NEBL: variants seen among roughly 807,000 people sequenced by gnomAD.
NEBL encodes nebulette, also known as LIM and SH3 protein 2.
In NEBL, 122 loss-of-function variants were observed where a neutral mutation model predicts 140.2. The ratio of observed to expected loss-of-function variants is 0.87; its 90% CI spans 0.75 to 1.01. The LOEUF (loss-of-function observed/expected upper bound fraction) is 1.01, where lower values mean the gene tolerates loss of function less well. NEBL is among the 50% of genes least tolerant of loss of function. The probability of loss-of-function intolerance (pLI) is 0.00; values close to 1 mark genes in which losing one functional copy is unlikely to be tolerated. For missense variants in NEBL, 1,365 were observed against 1,231.3 expected (o/e 1.11, Z -1.62); for synonymous variants, 436 against 398.9 (o/e 1.09, Z -1.11).
chr10:21,168,947 G>T (rs760902985), intron 2 of NEBL, among the ~76,000 whole-genome samples: 1 of 149,324 alleles, frequency 6.7e-6, no homozygotes, highest in Non-Finnish European at 1.5e-5. Context: ...TACTCGGGAG[G>T]CTGAGGCAGC....
intron 2 of NEBL, among the ~76,000 whole-genome samples, chr10:21,138,512 G>A (rs1170495494): frequency 2.0e-5 from 3 of 152,144 alleles, no homozygotes; most frequent in Non-Finnish European, 4.4e-5. Flanking sequence ...AGGGGTCAGG[G>A]TTCAATAAAA....
At chr10:21,057,712 G>C (rs1835092245) in intron 2 of NEBL, among the ~76,000 whole-genome samples, 1 of 94,360 alleles carries the variant, frequency 1.1e-5, no homozygotes, top group Non-Finnish European at 2.3e-5. Context: ...AGCACACCCA[G>C]CTTATTTTTG....
intron 2 of NEBL, among the ~76,000 whole-genome samples, chr10:21,106,030 GTTGT>G (rs1420907955): frequency 2.0e-5 from 3 of 151,796 alleles, no homozygotes; most frequent in African/African-American, 4.9e-5. Context: ...TTTTGATGGG[GTTGT>G]TTGTTTTTTT....
intron 20 of NEBL, among the ~76,000 whole-genome samples, chr10:20,817,994 G>C (rs547581466): frequency 6.6e-6 from 1 of 152,000 alleles, no homozygotes; most frequent in East Asian, 1.9e-4. Context: ...TAAAAGAAAC[G>C]CCAGAATGAA....
At chr10:21,236,148 A>C (rs1405933295) in intron 3 of NEBL, among the ~76,000 whole-genome samples, 5 of 152,110 alleles carry the variant, frequency 3.3e-5, no homozygotes, top group Admixed American at 2.6e-4. Context: ...CAGGTGTTTC[A>C]TATCAAATCA....
At chr10:21,113,541 A>C (rs1047103707) in intron 2 of NEBL, among the ~76,000 whole-genome samples, 2 of 152,046 alleles carry the variant, frequency 1.3e-5, no homozygotes, top group Non-Finnish European at 2.9e-5. Context: ...TTTCCATCTT[A>C]TTTCGTTTCT....
At chr10:21,036,548 A>T (rs1834023608) in intron 2 of NEBL, among the ~76,000 whole-genome samples, 1 of 152,150 alleles carries the variant, frequency 6.6e-6, no homozygotes, top group Non-Finnish European at 1.5e-5. Flanking sequence ...ATAGGAGCAG[A>T]TTGATAGAAA....
intron 1 of NEBL, among the ~76,000 whole-genome samples, chr10:21,285,418 T>C (rs117130585): frequency 0.013 from 2,004 of 152,322 alleles, 22 homozygotes; most frequent in South Asian, 0.028. Flanking sequence ...AACCATTCCT[T>C]TCTCGCCTAC....
chr10:21,072,559 G>A (rs753723652), intron 2 of NEBL, among the ~76,000 whole-genome samples: 4 of 152,210 alleles, frequency 2.6e-5, no homozygotes, highest in African/African-American at 2.4e-5. Flanking sequence ...CGGGGCTGTC[G>A]GCTGCCACAC....
upstream of NEBL, among the ~76,000 whole-genome samples, chr10:21,176,734 T>A (rs1391530958): frequency 6.6e-6 from 1 of 152,194 alleles, no homozygotes; most frequent in Non-Finnish European, 1.5e-5. Context: ...ATCTCTACTT[T>A]AATTTCAATC....
rs528714275 is a variant in NEBL, at chr10:21,016,074, G to A, written c.249+4043C>T. On this transcript the variant is annotated intron_variant, in intron 3 of 6. Transcript: ENST00000417816. ...TTGTTGAATGGGCTGCTGCGGGCCCGTGGGGGCGTCTAACCACTCTTCATG... is the reference window on the plus strand; with the variant it reads ...TTGTTGAATGGGCTGCTGCGGGCCCATGGGGGCGTCTAACCACTCTTCATG... Among the ~76,000 whole-genome samples, 549 of 152,364 alleles carry A rather than the reference G, an allele frequency of 3.6e-3. 2 individuals carry two copies. The highest frequency in any genetic ancestry group is 0.012 in the African/African-American group (512 of 41,598).
chr10:21,278,850 C>T (rs1010397182), intron 1 of NEBL, among the ~76,000 whole-genome samples: 25 of 152,262 alleles, frequency 1.6e-4, no homozygotes, highest in African/African-American at 6.0e-4. Context: ...TCCTCACTCC[C>T]CGCAAGGCCT....
intron 1 of NEBL, among the ~76,000 whole-genome samples, chr10:21,256,693 C>T (rs1842663839): frequency 6.6e-6 from 1 of 152,004 alleles, no homozygotes; most frequent in South Asian, 2.1e-4. Flanking sequence ...TATCTGGGTA[C>T]AGTGGGTCAC....
At chr10:21,025,809 G>A (rs1249927199) in intron 2 of NEBL, among the ~76,000 whole-genome samples, 1 of 152,104 alleles carries the variant, frequency 6.6e-6, no homozygotes, top group Non-Finnish European at 1.5e-5. Flanking sequence ...AAACATAAGA[G>A]TAGCACAATT....
intron 14 of NEBL, among the ~76,000 whole-genome samples, chr10:20,834,542 C>G (rs1840703356): frequency 6.6e-6 from 1 of 152,196 alleles, no homozygotes; most frequent in South Asian, 2.1e-4. Flanking sequence ...ACAGTAACTT[C>G]CCTAGCAGCT....
At chr10:20,806,397 T>A (rs955400195) in intron 26 of NEBL, among the ~76,000 whole-genome samples, 1 of 152,208 alleles carries the variant, frequency 6.6e-6, no homozygotes. Context: ...CATTTGAACA[T>A]CTCAATGTTC....
chr10:21,216,233 C>A (rs929692805), intron 3 of NEBL, among the ~76,000 whole-genome samples: 1 of 152,206 alleles, frequency 6.6e-6, no homozygotes, highest in African/African-American at 2.4e-5. Context: ...ACACCCCCAA[C>A]CTGACTTCCC....
chr10:20,932,063 C>T (rs1373701418), intron 4 of NEBL, among the ~76,000 whole-genome samples: 3 of 152,158 alleles, frequency 2.0e-5, no homozygotes, highest in Non-Finnish European at 2.9e-5. Flanking sequence ...TCATTACAAA[C>T]ATTTCATTCT....
At chr10:20,931,116 GA>G (rs35544464) in intron 4 of NEBL, among the ~76,000 whole-genome samples, 96,813 of 150,442 alleles carry the variant, frequency 0.64, 31,227 homozygotes, top group Non-Finnish European at 0.67. Context: ...TTTCCCATAA[GA>G]AAAAAAAAAT....
Sources: gnomAD v4.1 joint callset for allele counts (sites outside exome capture counted in the v4.1 genomes callset) on GRCh38, gnomAD v4.1.1 for gene constraint, MANE v1.5 for transcripts, NCBI Gene and HGNC (gene_info 2026-07-23, HGNC 2026-07-21) for gene names.